ADCY2: variants seen among roughly 807,000 people sequenced by gnomAD.
The protein encoded by ADCY2 is adenylate cyclase 2, also known as adenylate cyclase type 2.
In ADCY2, 31 loss-of-function variants were observed where a neutral mutation model predicts 125.2. That is an observed-to-expected ratio of 0.25 (90% CI 0.19 to 0.33). ADCY2 has a LOEUF of 0.33. Among genes scored for constraint, ADCY2 ranks in the 10% least tolerant of loss-of-function variants. The pLI is 1.00. For synonymous variants in ADCY2, 512 were observed against 548.4 expected (o/e 0.93, Z 0.93); for missense variants, 904 against 1,418.2 (o/e 0.64, Z 5.82).
intron 5 of ADCY2, chr5:7,691,226 CT>C (rs1740692879): frequency 6.5e-6 from 1 of 154,560 alleles, no homozygotes; most frequent in Non-Finnish European, 1.4e-5. Context: ...TCCAAATAGA[CT>C]TTGCAGGAGC....
At chr5:7,485,748 A>G (rs1742902398) in intron 2 of ADCY2, among the ~76,000 whole-genome samples, 1 of 152,224 alleles carries the variant, frequency 6.6e-6, no homozygotes, top group Non-Finnish European at 1.5e-5. Context: ...ATGACACATT[A>G]GCATAAACTA....
chr5:7,789,618 T>C (rs373119513), intron 19 of ADCY2, 24 bp from the exon 20 acceptor site: 16 of 1,605,436 alleles, frequency 1.0e-5, no homozygotes, highest in Non-Finnish European at 1.4e-5. Flanking sequence ...ATTGTTTCTT[T>C]ACCTCTGTGT....
intron 2 of ADCY2, among the ~76,000 whole-genome samples, chr5:7,439,489 G>A (rs996641094): frequency 1.3e-5 from 2 of 150,756 alleles, no homozygotes; most frequent in South Asian, 2.1e-4. Context: ...TACAACTCAA[G>A]GTGAGATTTG....
intron 2 of ADCY2, among the ~76,000 whole-genome samples, chr5:7,473,463 T>C (rs1489849139): frequency 6.6e-6 from 1 of 152,096 alleles, no homozygotes; most frequent in Non-Finnish European, 1.5e-5. Flanking sequence ...TGCACCAGGT[T>C]ATTTTTGAGG....
intron 20 of ADCY2, among the ~76,000 whole-genome samples, chr5:7,792,294 T>C (rs1744275491): frequency 6.7e-6 from 1 of 150,242 alleles, no homozygotes; most frequent in Admixed American, 6.6e-5. Flanking sequence ...ACTTGGGAGG[T>C]TGAGGCAGGA....
Position 7,396,437 on chromosome 5 carries a change from C to A in ADCY2, c.141C>A (p.Ile47=), listed in dbSNP as rs772631823. The change falls in exon 1 of 25, where the codon ATC becomes ATA. Residue 47 remains isoleucine, a synonymous_variant. Transcript: ENST00000338316. This position sits in a 1 kb window ranked among gnomAD's most constrained non-coding sequence, Gnocchi z 5.7. ...YYCMSQQHPL[I]VFLLLIVMGS... ...GCATGAGCCAGCAGCACCCGCTCAT[C>A]GTCTTCCTGCTGCTCATCGTCATGG... 283 of 1,579,280 alleles carry A rather than the reference C, an allele frequency of 1.8e-4. No individual in the cohort carries two copies. The highest frequency in any genetic ancestry group is 1.6e-4 in the Non-Finnish European group (183 of 1,163,274).
chr5:7,698,034 C>A (rs1316484367), intron 6 of ADCY2, among the ~76,000 whole-genome samples: 2 of 152,058 alleles, frequency 1.3e-5, no homozygotes, highest in African/African-American at 4.8e-5. Context: ...ATTTTTTCCC[C>A]TTTTCTTTCT....
intron 4 of ADCY2, among the ~76,000 whole-genome samples, chr5:7,677,927 T>C (rs1328486643): frequency 2.0e-5 from 3 of 152,158 alleles, no homozygotes; most frequent in African/African-American, 7.2e-5. Context: ...TCCTTAGAAA[T>C]CTCTGCATAA....
intron 4 of ADCY2, among the ~76,000 whole-genome samples, chr5:7,657,222 A>G (rs1203673580): frequency 6.6e-6 from 1 of 152,186 alleles, no homozygotes; most frequent in African/African-American, 2.4e-5. Flanking sequence ...CTGTAATAAC[A>G]TGCTCCCCAA....
intron 2 of ADCY2, among the ~76,000 whole-genome samples, chr5:7,503,327 C>T (rs1163536480): frequency 6.6e-6 from 1 of 152,096 alleles, no homozygotes; most frequent in Non-Finnish European, 1.5e-5. Flanking sequence ...AAATACTTGG[C>T]CATTCAAGTG....
At position 7,674,884 on chromosome 5, in the gene ADCY2, G is replaced by A. The variant is rs146897427; in HGVS notation, c.721-15807G>A. The stretch of plus-strand genomic sequence containing the variant: ...AATTTGGTCTATTTTGGCTGGGCGC[G>A]GTGGCTCACGCCTGTAATCCCAGCA... On this transcript the variant is annotated intron_variant, in intron 4 of 24. Coordinates refer to ENST00000338316, the MANE Select transcript of ADCY2 (RefSeq NM_020546.3). 4.4e-3 allele frequency among the ~76,000 whole-genome samples: 668 copies of A among 152,232 alleles called. 3 individuals carry two copies. Among genetic ancestry groups the A allele is most frequent in the Non-Finnish European group, 7.6e-3 (517 of 68,018 alleles).
intron 2 of ADCY2, among the ~76,000 whole-genome samples, chr5:7,466,223 A>G (rs12515650): frequency 0.29 from 43,675 of 152,048 alleles, 7,280 homozygotes; most frequent in Non-Finnish European, 0.37. Context: ...TCTTAGTAAA[A>G]TCCTCAAGAT....
At chr5:7,510,005 G>A (rs370541049) in intron 2 of ADCY2, among the ~76,000 whole-genome samples, 3 of 152,172 alleles carry the variant, frequency 2.0e-5, no homozygotes, top group African/African-American at 7.2e-5. Flanking sequence ...TCTGAAACAA[G>A]AGCTCTCCGT....
chr5:7,433,228 G>A (rs897293059), intron 2 of ADCY2, among the ~76,000 whole-genome samples: 3 of 152,112 alleles, frequency 2.0e-5, no homozygotes, highest in African/African-American at 7.2e-5. Context: ...GTAGAATAAA[G>A]TTACTGAGAT....
chr5:7,471,250 T>C (rs1236397318), intron 2 of ADCY2, among the ~76,000 whole-genome samples: 1 of 151,950 alleles, frequency 6.6e-6, no homozygotes, highest in African/African-American at 2.4e-5. Flanking sequence ...TATTTTAGAG[T>C]GACATAATTA....
At chr5:7,603,599 G>C (rs1196394535) in intron 3 of ADCY2, among the ~76,000 whole-genome samples, 1 of 152,144 alleles carries the variant, frequency 6.6e-6, no homozygotes, top group Admixed American at 6.5e-5. Flanking sequence ...TGAAGCTACT[G>C]TTGAGCCTGA....
At chr5:7,729,359 A>G (rs1355315400) in intron 14 of ADCY2, among the ~76,000 whole-genome samples, 1 of 152,022 alleles carries the variant, frequency 6.6e-6, no homozygotes, top group Non-Finnish European at 1.5e-5. Context: ...CTAGATTGTT[A>G]TTATTTGGGT....
intron 16 of ADCY2, among the ~76,000 whole-genome samples, chr5:7,759,577 T>A (rs1321401261): frequency 6.6e-6 from 1 of 152,192 alleles, no homozygotes; most frequent in Non-Finnish European, 1.5e-5. Flanking sequence ...CCCCTTCTTC[T>A]TAGGTGTTTG....
chr5:7,533,319 C>A (rs146289511), intron 3 of ADCY2, among the ~76,000 whole-genome samples: 3 of 151,716 alleles, frequency 2.0e-5, no homozygotes, highest in Admixed American at 2.0e-4. Flanking sequence ...TCTGTATTTG[C>A]GCTTGATTTT....
Sources: allele counts gnomAD v4.1 joint callset (sites outside exome capture counted in the v4.1 genomes callset), GRCh38; gene constraint gnomAD v4.1.1; non-coding constraint Gnocchi (gnomAD v3.1); transcripts MANE v1.5; gene names NCBI Gene and HGNC (gene_info 2026-07-23, HGNC 2026-07-21).